FAXC: variants seen among roughly 807,000 people sequenced by gnomAD.
FAXC encodes failed axon connections homolog, metaxin like GST domain containing, also known as failed axon connections homolog.
In FAXC, 10 loss-of-function variants were observed where a neutral mutation model predicts 41.9. The observed-to-expected ratio is 0.24, with a 90% CI of 0.15 to 0.41. FAXC has a LOEUF of 0.41. Among genes scored for constraint, FAXC ranks in the 10% least tolerant of loss-of-function variants. The pLI, the probability that FAXC is intolerant of heterozygous loss-of-function variation, is 1.00. For missense variants in FAXC, 399 were observed against 510.9 expected (o/e 0.78, Z 2.11); for synonymous variants, 183 against 183.8 (o/e 1.00, Z 0.03).
intron 5 of FAXC, among the ~76,000 whole-genome samples, chr6:99,288,693 A>G (rs1383967380): frequency 1.3e-5 from 2 of 152,200 alleles, no homozygotes; most frequent in African/African-American, 4.8e-5. Flanking sequence ...AGTCCCACCC[A>G]GCTGAACTTC....
chr6:99,345,568 T>C (rs891985756), intron 1 of FAXC, among the ~76,000 whole-genome samples: 2 of 152,200 alleles, frequency 1.3e-5, no homozygotes, highest in Admixed American at 1.3e-4. Flanking sequence ...GATCTTACCA[T>C]AAGGTTTATA....
rs190408285 is a variant in FAXC at position 99,303,871 on chromosome 6, T to C, written c.824-12051A>G. Among the ~76,000 whole-genome samples the C allele has an allele frequency of 2.8e-4, 42 of 152,282 alleles. 1 individual carries two copies. In the East Asian group the frequency reaches 6.8e-3, roughly 24 times the overall value. On this transcript the variant is annotated intron_variant, in intron 4 of 5. Coordinates refer to ENST00000389677, the MANE Select transcript of FAXC (RefSeq NM_032511.4). ...AGCTCTACCTCTATAATAATTTTGA[T>C]CAGAAAAAAATATATAGGAGATATG...
chr6:99,284,687 C>T lies in FAXC; in HGVS notation c.941-3234G>A, dbSNP rs372913669. Among the ~76,000 whole-genome samples the T allele has an allele frequency of 3.6e-4, 55 of 151,802 alleles. No individual in the cohort carries two copies. In the South Asian group the frequency reaches 6.7e-3, roughly 18 times the overall value. On this transcript the variant is annotated intron_variant, in intron 5 of 5. Transcript: ENST00000389677. ...CAGCACTCTGGAAGGCTGAAGTGGG[C>T]GGATCACCTGAGGCCAGGAGTTCGA...
At position 99,318,260 on chromosome 6, in the gene FAXC, A is replaced by AAAACACACACACAC. The variant is rs1294149379; in HGVS notation, c.823+5183_823+5184insGTGTGTGTGTGTTT. Among the ~76,000 whole-genome samples the AAAACACACACACAC allele has an allele frequency of 6.3e-4, 41 of 64,812 alleles. 1 individual carries two copies. Among genetic ancestry groups the AAAACACACACACAC allele is most frequent in the East Asian group, 4.1e-3 (9 of 2,204 alleles). The allele number at this position is 64,812 out of a possible 152,430, so 42.5% of individuals were successfully genotyped here. A position where few individuals can be genotyped will look rare whatever the true frequency, so the allele number is the denominator to read the frequency against. On this transcript the variant is annotated intron_variant, in intron 4 of 5. Coordinates refer to ENST00000389677, the MANE Select transcript of FAXC (RefSeq NM_032511.4). ...GGCGACAGAGCAAGACTCCGTCTCA[A>AAAACACACACACAC]ACACACACACACACACACACACACA...
At chr6:99,311,462 C>G (rs1445316904) in intron 4 of FAXC, among the ~76,000 whole-genome samples, 1 of 152,150 alleles carries the variant, frequency 6.6e-6, no homozygotes, top group Non-Finnish European at 1.5e-5. Context: ...GTAATCCCAG[C>G]TACTCGGGAG....
Position 99,337,014 on chromosome 6 carries a change from C to T in FAXC, c.403-3467G>A, listed in dbSNP as rs150858013. On this transcript the variant is annotated intron_variant, in intron 2 of 5. Coordinates refer to ENST00000389677, the MANE Select transcript of FAXC (RefSeq NM_032511.4). ...GATTATGACACACTGAAAAAATCCA[C>T]GCACCCACTATCTATTTAGTTTTGA... Among the ~76,000 whole-genome samples, 218 of 152,298 alleles carry T rather than the reference C, an allele frequency of 1.4e-3. 1 individual carries two copies. Among genetic ancestry groups the T allele is most frequent in the Middle Eastern group, 6.8e-3 (2 of 294 alleles).
intron 3 of FAXC, among the ~76,000 whole-genome samples, chr6:99,329,397 C>T (rs1407595630): frequency 1.8e-4 from 28 of 152,168 alleles, no homozygotes; most frequent in Admixed American, 1.7e-3. Flanking sequence ...ATACCTGGCC[C>T]GTGATAGAAA....
chr6:99,313,162 A>C (rs925966033), intron 4 of FAXC, among the ~76,000 whole-genome samples: 7 of 152,278 alleles, frequency 4.6e-5, no homozygotes, highest in African/African-American at 1.4e-4. Flanking sequence ...GTGTGGTGGC[A>C]CACGCCTGTG....
intron 4 of FAXC, among the ~76,000 whole-genome samples, chr6:99,306,562 G>T (rs1771929478): frequency 6.6e-6 from 1 of 152,156 alleles, no homozygotes; most frequent in Non-Finnish European, 1.5e-5. Flanking sequence ...ATAAATATGT[G>T]GGAGTATGCA....
chr6:99,346,194 G>A (rs1443423623), intron 1 of FAXC, among the ~76,000 whole-genome samples: 3 of 152,200 alleles, frequency 2.0e-5, no homozygotes, highest in Non-Finnish European at 4.4e-5. Context: ...TTCACCTTAA[G>A]TGGAGGTAGT....
chr6:99,309,409 C>T (rs1420868230), intron 4 of FAXC, among the ~76,000 whole-genome samples: 1 of 152,164 alleles, frequency 6.6e-6, no homozygotes, highest in Non-Finnish European at 1.5e-5. Context: ...TTTCTAAGAA[C>T]TCGGTATTTA....
chr6:99,275,775 C>G lies in FAXC; in HGVS notation c.*5389G>C, dbSNP rs1018709483. 1.3e-5 allele frequency: 2 copies of G among 152,122 alleles called. No individual in the cohort carries two copies. The highest frequency in any genetic ancestry group is 2.9e-5 in the Non-Finnish European group (2 of 68,030). The allele number at this position is 152,122 out of a possible 1,614,324, so 9.4% of individuals were successfully genotyped here. A position where few individuals can be genotyped will look rare whatever the true frequency, so the allele number is the denominator to read the frequency against. On this transcript the variant is annotated 3_prime_UTR_variant, in exon 6 of 6. Coordinates refer to ENST00000389677, the MANE Select transcript of FAXC (RefSeq NM_032511.4). ...TTCTTGAAAGTCAGGGACCAAAAAT[C>G]TGAGTTTCTGGGTAAGGAATTCAGA...
intron 2 of FAXC, among the ~76,000 whole-genome samples, chr6:99,335,953 A>T (rs1773200823): frequency 6.6e-6 from 1 of 152,204 alleles, no homozygotes; most frequent in African/African-American, 2.4e-5. Context: ...ATGAATGAAA[A>T]AACATTTTAA....
chr6:99,284,417 G>A (rs1048520003), intron 5 of FAXC, among the ~76,000 whole-genome samples: 1 of 152,132 alleles, frequency 6.6e-6, no homozygotes, highest in South Asian at 2.1e-4. Context: ...ACAGAGAGTG[G>A]ACATCTATAG....
chr6:99,316,499 C>T (rs1161651156), intron 4 of FAXC, among the ~76,000 whole-genome samples: 1 of 152,050 alleles, frequency 6.6e-6, no homozygotes, highest in Admixed American at 6.5e-5. Context: ...CAATGTGGCA[C>T]CTGCCTTTCC....
rs1770404158 is a variant in FAXC at position 99,271,612 on chromosome 6, A to G, written c.*9552T>C. The G allele has an allele frequency of 6.6e-6, 1 of 152,198 alleles. No individual in the cohort carries two copies. The highest frequency in any genetic ancestry group is 2.4e-5 in the African/African-American group (1 of 41,442). 9.4% of individuals were successfully genotyped at this position (152,198 alleles called of 1,614,324 possible). ...GGGATACTCAACTGGTATAATGCAA[A>G]TATTTCAAAATCTGAGAAAAACCCA... On this transcript the variant is annotated 3_prime_UTR_variant, in exon 6 of 6. Transcript: ENST00000389677.
intron 4 of FAXC, among the ~76,000 whole-genome samples, chr6:99,323,055 T>C (rs1772647756): frequency 6.6e-6 from 1 of 152,244 alleles, no homozygotes; most frequent in South Asian, 2.1e-4. Context: ...GGGCACACAG[T>C]TGAACCTCTG....
At chr6:99,311,886 G>T (rs1477275798) in intron 4 of FAXC, among the ~76,000 whole-genome samples, 1 of 152,082 alleles carries the variant, frequency 6.6e-6, no homozygotes, top group African/African-American at 2.4e-5. Context: ...CATCTACAGT[G>T]ACAACTAAGT....
rs1562171336 is a variant in FAXC at position 99,318,263 on chromosome 6, ACACACACACACACACACAC to A, written c.823+5162_823+5180del. On this transcript the variant is annotated intron_variant, in intron 4 of 5. Transcript: ENST00000389677. ...GACAGAGCAAGACTCCGTCTCAAACACACACACACACACACACACACACACACACACACACACACACACA... is the reference window on the plus strand; with the variant it reads ...GACAGAGCAAGACTCCGTCTCAAACAACACACACACACACACACACACACA... Among the ~76,000 whole-genome samples the A allele has an allele frequency of 7.0e-4, 87 of 124,566 alleles. 3 individuals are homozygous for A. The highest frequency in any genetic ancestry group is 2.4e-3 in the African/African-American group (86 of 36,340). 81.7% of individuals were successfully genotyped at this position (124,566 alleles called of 152,430 possible).
Sources: allele counts gnomAD v4.1 joint callset (sites outside exome capture counted in the v4.1 genomes callset), GRCh38; gene constraint gnomAD v4.1.1; transcripts MANE v1.5; gene names NCBI Gene and HGNC (gene_info 2026-07-23, HGNC 2026-07-21).